Variants in ELAC2 observed in about 807,000 individuals in gnomAD.
The protein encoded by ELAC2 is zinc phosphodiesterase ELAC protein 2.
Under a neutral mutation model 105.2 loss-of-function variants are expected in ELAC2, and 92 were observed. That is an observed-to-expected ratio of 0.87 (90% confidence interval 0.74 to 1.04). The LOEUF (loss-of-function observed/expected upper bound fraction) is 1.04, where lower values mean the gene tolerates loss of function less well. ELAC2 is among the 50% of genes least tolerant of loss of function. The pLI is 0.00. For synonymous variants in ELAC2, 468 were observed against 409.1 expected (o/e 1.14, Z -1.74); for missense variants, 1,099 against 1,071.7 (o/e 1.03, Z -0.36).
chr17:13,016,797 G>T, intron 3 of ELAC2, 65 bp downstream of exon 3: 4 of 1,453,826 alleles, frequency 2.8e-6, no homozygotes, highest in Non-Finnish European at 2.9e-6. Context: ...TTGGAAAAAT[G>T]GTAAAGCCGG....
At chr17:13,010,908 G>A (rs146204205) in intron 7 of ELAC2, among the ~76,000 whole-genome samples, 225 of 152,272 alleles carry the variant, frequency 1.5e-3, no homozygotes, top group African/African-American at 5.0e-3. Context: ...CTTTAGAATG[G>A]CAAGTGAAAT....
chr17:12,998,307 G>A (rs2040573675), intron 16 of ELAC2, 105 bp downstream of exon 16: 1 of 1,103,162 alleles, frequency 9.1e-7, no homozygotes, highest in African/African-American at 1.6e-5. Flanking sequence ...ACAAGTGACA[G>A]GGCTTGATAC....
chr17:12,999,777 G>A (rs908711640), intron 15 of ELAC2, among the ~76,000 whole-genome samples: 1 of 152,102 alleles, frequency 6.6e-6, no homozygotes. Flanking sequence ...TCCTGCCTCA[G>A]TCTCCCGAGT....
Position 12,992,904 on chromosome 17 carries a change from G to A in ELAC2, c.2395C>T (p.Leu799=), listed in dbSNP as rs1333900452. ...QVRAALLSRE[L]AGGLEDGEPQ... is the part of the protein sequence containing the mutation. Reference sequence around the variant, plus strand: ...TCCCCATCCTCCAGGCCGCCTGCCAGCTCCCTGGACAGGAGGGCCGCCCGC... The same window carrying A: ...TCCCCATCCTCCAGGCCGCCTGCCAACTCCCTGGACAGGAGGGCCGCCCGC... The change falls in exon 24 of 24, where the codon CTG becomes TTG. Residue 799 remains leucine, a synonymous_variant. Transcript: ENST00000338034. 1 of 1,611,942 alleles carries A rather than the reference G, an allele frequency of 6.2e-7. No individual in the cohort carries two copies. Among genetic ancestry groups the A allele is most frequent in the African/African-American group, 1.3e-5 (1 of 75,034 alleles).
At chr17:12,994,547 GC>G in intron 21 of ELAC2, 44 bp from the exon 22 acceptor site, 1 of 1,610,738 alleles carries the variant, frequency 6.2e-7, no homozygotes, top group Non-Finnish European at 8.5e-7. Context: ...CTCTGCGAGA[GC>G]GGCACACAGG....
At chr17:13,003,701 C>T in intron 11 of ELAC2, 127 bp from the exon 12 acceptor site, 1 of 801,506 alleles carries the variant, frequency 1.2e-6, no homozygotes, top group South Asian at 1.5e-5. Context: ...AGCCTCCACG[C>T]CCAGGCCATG....
chr17:12,992,553 C>T lies in ELAC2; in HGVS notation c.*265G>A. 1.9e-6 allele frequency: 1 copy of T among 536,000 alleles called. No homozygotes were observed. Among genetic ancestry groups the T allele is most frequent in the Non-Finnish European group, 3.4e-6 (1 of 297,374 alleles). 33.2% of individuals were successfully genotyped at this position (536,000 alleles called of 1,614,324 possible). ...TCTGTTTCCAAGACTTCTTTAAAAA[C>T]TGCCTTGAAATGAAATTAGTTCATC... On this transcript the variant is annotated 3_prime_UTR_variant, in exon 24 of 24. Coordinates refer to ENST00000338034, the MANE Select transcript of ELAC2 (RefSeq NM_018127.7).
chr17:13,010,758 C>T, intron 7 of ELAC2, 87 bp from the exon 8 acceptor site: 2 of 1,209,852 alleles, frequency 1.7e-6, no homozygotes, highest in Admixed American at 1.7e-5. Context: ...TACCTAATTT[C>T]ACTTCACATA....
intron 8 of ELAC2, among the ~76,000 whole-genome samples, chr17:13,009,410 C>G (rs59287437): frequency 0.28 from 41,910 of 152,012 alleles, 5,952 homozygotes; most frequent in Middle Eastern, 0.33. Flanking sequence ...AATTTTAATG[C>G]AAAATTCTAT....
At chr17:13,011,496 A>C (rs982381339) in intron 7 of ELAC2, among the ~76,000 whole-genome samples, 167 bp downstream of exon 7, 6 of 152,268 alleles carry the variant, frequency 3.9e-5, no homozygotes, top group African/African-American at 1.4e-4. Context: ...CCACCTTTAC[A>C]ACAACCCTTC....
intron 3 of ELAC2, among the ~76,000 whole-genome samples, chr17:13,016,198 C>T (rs1215456999): frequency 2.0e-5 from 3 of 152,040 alleles, no homozygotes; most frequent in Non-Finnish European, 4.4e-5. Context: ...CCACCAAGCC[C>T]ACACAATTTG....
In ELAC2 at chr17:13,006,978, G is replaced by A. The variant is rs551618358; in HGVS notation, c.739-999C>T. ...CTACTAAAAATACAAAAAATTAGCCGGGTGTGGTGACGTGCGCCTGTAGTC... is the reference window on the plus strand; with the variant it reads ...CTACTAAAAATACAAAAAATTAGCCAGGTGTGGTGACGTGCGCCTGTAGTC... On this transcript the variant is annotated intron_variant, in intron 8 of 23. Transcript: ENST00000338034. Among the ~76,000 whole-genome samples the A allele has an allele frequency of 1.9e-4, 29 of 152,068 alleles. No homozygotes were observed. In the South Asian group the frequency reaches 5.2e-3, roughly 27 times the overall value.
Position 13,011,714 on chromosome 17 carries a change from C to A in ELAC2, c.628G>T (p.Glu210Ter), listed in dbSNP as rs1045914232. The A allele has an allele frequency of 2.5e-6, 4 of 1,614,162 alleles. No individual in the cohort carries two copies. Among genetic ancestry groups the A allele is most frequent in the Non-Finnish European group, 1.7e-6 (2 of 1,180,028 alleles). ...PERPLSRLSP[E>*]RSSDSESNEN... ...TTCGACTCGGAGTCTGAAGATCGCT[C>A]TGGACTGAGCCTGCTGAGAGGCCTT... Residue 210 changes from glutamate (E) to a stop codon, truncating the protein, a stop_gained, in exon 7 of 24, where the codon GAG becomes TAG. Transcript: ENST00000338034. LOFTEE classifies it high-confidence loss of function.
chr17:13,004,910 C>G, intron 11 of ELAC2, 79 bp downstream of exon 11: 2 of 1,129,790 alleles, frequency 1.8e-6, no homozygotes, highest in South Asian at 1.2e-5. Flanking sequence ...AGAAACACAG[C>G]TCTTGCCACA....
intron 17 of ELAC2, chr17:12,996,283 G>T: frequency 1.6e-6 from 1 of 639,736 alleles, no homozygotes; most frequent in Non-Finnish European, 2.7e-6. Flanking sequence ...CGCTGAGCAG[G>T]CCGTGTGAGA....
intron 19 of ELAC2, 112 bp downstream of exon 19, chr17:12,995,591 A>C: frequency 9.3e-7 from 1 of 1,074,734 alleles, no homozygotes; most frequent in Non-Finnish European, 1.4e-6. Flanking sequence ...GGACCATGTC[A>C]AGGGCAAGGC....
intron 11 of ELAC2, among the ~76,000 whole-genome samples, chr17:13,004,431 A>G (rs2040995884): frequency 6.6e-6 from 1 of 152,244 alleles, no homozygotes; most frequent in Non-Finnish European, 1.5e-5. Context: ...AGTGGGGGAA[A>G]AGATTCAAAC....
intron 21 of ELAC2, 68 bp from the exon 22 acceptor site, chr17:12,994,571 G>A: frequency 6.2e-7 from 1 of 1,601,622 alleles, no homozygotes; most frequent in Non-Finnish European, 8.6e-7. Flanking sequence ...TCAGTCACGT[G>A]CTGTTTCCTG....
chr17:12,996,453 T>G, intron 17 of ELAC2, 94 bp downstream of exon 17: 1 of 1,593,270 alleles, frequency 6.3e-7, no homozygotes. Flanking sequence ...TCTGGGCAAG[T>G]TTGGAAGCGG....
Sources: allele counts gnomAD v4.1 joint callset (sites outside exome capture counted in the v4.1 genomes callset), GRCh38; gene constraint gnomAD v4.1.1; transcripts MANE v1.5; gene names NCBI Gene and HGNC (gene_info 2026-07-23, HGNC 2026-07-21).